RBM20: variants seen among roughly 807,000 people sequenced by gnomAD.
RBM20 encodes the protein RNA-binding protein 20.
A neutral mutation model predicts 110.1 loss-of-function variants in RBM20; 51 were observed. The observed-to-expected ratio is 0.46, with a 90% CI of 0.37 to 0.59. The LOEUF (loss-of-function observed/expected upper bound fraction) is 0.59. RBM20 is among the 20% of genes least tolerant of loss of function. The probability of loss-of-function intolerance (pLI) is 0.00; values close to 1 mark genes in which losing one functional copy is unlikely to be tolerated. For missense variants in RBM20, 1,512 were observed against 1,574.9 expected, an observed-to-expected ratio of 0.96 and a Z score of 0.68; for synonymous variants, 589 against 618.2, an observed-to-expected ratio of 0.95 and a Z score of 0.70.
At chr10:110,823,451 T>TGCC in intron 11 of RBM20, 29 bp from the exon 12 acceptor site, 1 of 1,047,918 alleles carries the variant, frequency 9.5e-7, no homozygotes, top group Non-Finnish European at 1.2e-6. Flanking sequence ...TTTTTTTTTT[T>TGCC]TTTTTTTGCC....
chr10:110,678,907 T>C (rs927863606), intron 1 of RBM20, among the ~76,000 whole-genome samples: 13 of 152,334 alleles, frequency 8.5e-5, no homozygotes, highest in African/African-American at 3.1e-4. Context: ...CATTCAGGCC[T>C]GGAGCACAGA....
chr10:110,809,818 C>CT (rs2135098763), intron 7 of RBM20, among the ~76,000 whole-genome samples: 1 of 152,318 alleles, frequency 6.6e-6, no homozygotes, highest in African/African-American at 2.4e-5. Context: ...TTTTCACTAT[C>CT]TGTGTGACCT....
At chr10:110,777,997 A>C (rs1844289459) in intron 1 of RBM20, among the ~76,000 whole-genome samples, 1 of 152,192 alleles carries the variant, frequency 6.6e-6, no homozygotes, top group Admixed American at 6.5e-5. Flanking sequence ...CACAAGTCAA[A>C]ATCTATCATC....
intron 2 of RBM20, among the ~76,000 whole-genome samples, chr10:110,782,754 C>A (rs1844370568): frequency 6.6e-6 from 1 of 151,836 alleles, no homozygotes; most frequent in African/African-American, 2.4e-5. Flanking sequence ...TGCCTCCCAT[C>A]TCTCATCCTG....
chr10:110,832,444 A>G (rs145720116), intron 13 of RBM20, among the ~76,000 whole-genome samples: 23 of 152,344 alleles, frequency 1.5e-4, no homozygotes, highest in African/African-American at 5.5e-4. Flanking sequence ...GTACTAAGTT[A>G]TATATTTAGT....
At chr10:110,787,699 TC>T (rs1221177128) in intron 5 of RBM20, among the ~76,000 whole-genome samples, 2 of 152,206 alleles carry the variant, frequency 1.3e-5, no homozygotes, top group East Asian at 3.8e-4. Flanking sequence ...TGCCACTTCC[TC>T]CGAACACCTA....
chr10:110,692,489 T>A (rs1564817105), intron 1 of RBM20, among the ~76,000 whole-genome samples: 1 of 152,168 alleles, frequency 6.6e-6, no homozygotes, highest in Non-Finnish European at 1.5e-5. Flanking sequence ...CCTAGTTTAT[T>A]CTTTTTGATG....
chr10:110,677,420 G>A (rs533472169), intron 1 of RBM20, among the ~76,000 whole-genome samples: 3 of 151,884 alleles, frequency 2.0e-5, no homozygotes, highest in Non-Finnish European at 2.9e-5. Context: ...CTGGGTTCAC[G>A]CCATTCTCCT....
chr10:110,653,925 T>C (rs767779046), intron 1 of RBM20, among the ~76,000 whole-genome samples: 1 of 152,246 alleles, frequency 6.6e-6, no homozygotes, highest in Non-Finnish European at 1.5e-5. Flanking sequence ...TACAGGCTAG[T>C]TGTCTTGGAG....
At chr10:110,733,657 T>C (rs897072595) in intron 1 of RBM20, among the ~76,000 whole-genome samples, 37 of 152,194 alleles carry the variant, frequency 2.4e-4, no homozygotes, top group Admixed American at 2.1e-3. Context: ...GCTGGAGAAA[T>C]ATTGGCTTCG....
Position 110,781,550 on chromosome 10 carries a change from G to T in RBM20, c.941G>T (p.Gly314Val), listed in dbSNP as rs553486732. 5 of 1,551,672 alleles carry T rather than the reference G, an allele frequency of 3.2e-6. No individual in the cohort carries two copies. The South Asian group carries it at 3.6e-5, about 11-fold the overall frequency. ...AGTGAGGTCGGGCCACTGCTGCAGG[G>T]CACAAACAGCCAATGGGAGAGCCCC... ...LKSEVGPLLQ[G>V]TNSQWESPHG... Residue 314 changes from glycine (G) to valine (V), a missense_variant, in exon 2 of 14, where the codon GGC (glycine) becomes GTC (valine). By Grantham distance (109) the Gly-to-Val change is moderately radical (BLOSUM62 -3). Around this residue, in one of 3 missense-constraint regions of RBM20, gnomAD observed 1,149 missense variants for 1,169.4 expected, o/e 0.98. Coordinates refer to ENST00000369519, the MANE Select transcript of RBM20 (RefSeq NM_001134363.3).
At chr10:110,822,532 T>A in intron 11 of RBM20, 1 of 455,108 alleles carries the variant, frequency 2.2e-6, no homozygotes, top group Non-Finnish European at 4.4e-6. Context: ...AGAGAGAGTT[T>A]AAAATAGGCT....
chr10:110,673,490 G>A (rs577781149), intron 1 of RBM20, among the ~76,000 whole-genome samples: 1 of 152,202 alleles, frequency 6.6e-6, no homozygotes, highest in East Asian at 1.9e-4. Context: ...GATCACAGGC[G>A]TGAGCCACCA....
intron 1 of RBM20, among the ~76,000 whole-genome samples, chr10:110,668,715 T>G (rs747676713): frequency 6.6e-6 from 1 of 152,104 alleles, no homozygotes; most frequent in Non-Finnish European, 1.5e-5. Context: ...CTTTGAAATC[T>G]TTTTCATGTC....
At chr10:110,677,351 C>T (rs1862353800) in intron 1 of RBM20, among the ~76,000 whole-genome samples, 1 of 152,100 alleles carries the variant, frequency 6.6e-6, no homozygotes, top group South Asian at 2.1e-4. Context: ...CACAGTCTAG[C>T]TCTGTCACCA....
rs886038858 is a variant in RBM20, at chr10:110,821,642, G to C, written c.3023G>C (p.Arg1008Pro). 7.7e-6 allele frequency: 12 copies of C among 1,551,670 alleles called. No homozygotes were observed. Among genetic ancestry groups the C allele is most frequent in the Middle Eastern group, 1.7e-4 (1 of 6,016 alleles). Residue 1008 changes from arginine (R) to proline (P), a missense_variant, in exon 11 of 14, where the codon CGG (arginine) becomes CCG (proline). Arg to Pro is a moderately radical substitution (Grantham distance 103, BLOSUM62 -2). This residue lies in a region of RBM20 where 358 missense variants were observed against 384.2 expected (regional missense o/e 0.93). Coordinates refer to ENST00000369519, the MANE Select transcript of RBM20 (RefSeq NM_001134363.3). ...EMPGLNLDAE[R>P]KPAESETGLS... ...CCTGGCCTAAATCTGGATGCTGAGC[G>C]GAAGCCAGCTGAAAGTGAGACAGGC...
chr10:110,658,309 A>T (rs1029446028), intron 1 of RBM20, among the ~76,000 whole-genome samples: 26 of 152,326 alleles, frequency 1.7e-4, no homozygotes, highest in African/African-American at 5.8e-4. Flanking sequence ...CCTAGCCATG[A>T]TGCAACAGTG....
At chr10:110,686,870 C>T (rs1385916653) in intron 1 of RBM20, among the ~76,000 whole-genome samples, 5 of 151,692 alleles carry the variant, frequency 3.3e-5, no homozygotes, top group African/African-American at 1.2e-4. Flanking sequence ...GAAACCCCGC[C>T]TCTACTAAAA....
In RBM20 at chr10:110,835,328, CT is replaced by C. The variant is rs1318271687; in HGVS notation, c.3574-530del. The C allele has an allele frequency of 5.8e-4, 62 of 106,724 alleles. 1 individual carries two copies. In the South Asian group the frequency reaches 0.016, roughly 28 times the overall value. The allele number at this position is 106,724 out of a possible 1,614,324, so 6.6% of individuals were successfully genotyped here. ...ACTCTTTCTTTTCTTTTCTTTTTTT[CT>C]TTTTTTTTTCTTTTTTTTTTTTTTA... is the stretch of plus-strand genomic sequence containing the variant. On this transcript the variant is annotated intron_variant, in intron 13 of 13. Coordinates refer to ENST00000369519, the MANE Select transcript of RBM20 (RefSeq NM_001134363.3).
Sources: gnomAD v4.1 joint callset for allele counts (sites outside exome capture counted in the v4.1 genomes callset) on GRCh38, gnomAD v4.1.1 for gene constraint, gnomAD v4.1.1 regional missense constraint, MANE v1.5 for transcripts, NCBI Gene and HGNC (gene_info 2026-07-23, HGNC 2026-07-21) for gene names.